The following TSC22D1 variants were observed in gnomAD, a reference collection of about 807,000 sequenced individuals.
TSC22D1 encodes the protein TSC22 domain family protein 1.
A neutral mutation model predicts 74.2 loss-of-function variants in TSC22D1; 9 were observed. The observed-to-expected ratio is 0.12, with a 90% confidence interval of 0.07 to 0.21. The LOEUF (loss-of-function observed/expected upper bound fraction) is 0.21. Among genes scored for constraint, TSC22D1 ranks in the 10% least tolerant of loss-of-function variants. The pLI is 1.00. For synonymous variants in TSC22D1, 586 were observed against 492.5 expected, an observed-to-expected ratio of 1.19 and a Z score of -2.51; for missense variants, 1,427 against 1,304.7, an observed-to-expected ratio of 1.09 and a Z score of -1.44.
chr13:44,547,976 A>T (rs1198614077), intron 1 of TSC22D1, among the ~76,000 whole-genome samples: 1 of 152,126 alleles, frequency 6.6e-6, no homozygotes, highest in Non-Finnish European at 1.5e-5. Context: ...TGTATTATGC[A>T]TTTTATATAT....
upstream of TSC22D1, among the ~76,000 whole-genome samples, chr13:44,576,809 G>A (rs1435499691): frequency 6.6e-6 from 1 of 151,504 alleles, no homozygotes; most frequent in African/African-American, 2.4e-5. Context: ...CAGAGACGCC[G>A]GGTCCTCGCG....
intron 1 of TSC22D1, among the ~76,000 whole-genome samples, chr13:44,490,274 C>G (rs1878637758): frequency 1.3e-5 from 2 of 150,844 alleles, no homozygotes; most frequent in Non-Finnish European, 2.9e-5. Context: ...ATGGCCAAAA[C>G]TAACTGATAG....
intron 1 of TSC22D1, among the ~76,000 whole-genome samples, chr13:44,457,883 G>A (rs758752480): frequency 2.0e-4 from 30 of 152,140 alleles, no homozygotes; most frequent in Non-Finnish European, 3.8e-4. Context: ...TGAAGAAGGT[G>A]GCTATATATT....
In TSC22D1 at chr13:44,555,732, T is replaced by C. The variant is rs554155388; in HGVS notation, c.2912+17431A>G. ...CACCCATGCAAGATAGGTTTCTGTA[T>C]TTATACATTAAAATACCAAAAAAAA... is the stretch of plus-strand genomic sequence containing the variant. On this transcript the variant is annotated intron_variant, in intron 1 of 2. Transcript: ENST00000458659. 1.2e-4 allele frequency among the ~76,000 whole-genome samples: 18 copies of C among 152,234 alleles called. No homozygotes were observed. In the East Asian group the frequency reaches 3.1e-3, roughly 26 times the overall value.
intron 1 of TSC22D1, among the ~76,000 whole-genome samples, chr13:44,491,443 A>G (rs554702351): frequency 5.8e-4 from 88 of 150,648 alleles, no homozygotes; most frequent in Non-Finnish European, 6.9e-4. Flanking sequence ...AGTCCCAGCT[A>G]CTCGGGAAGC....
At chr13:44,456,128 G>T (rs531393065) in intron 1 of TSC22D1, among the ~76,000 whole-genome samples, 1 of 152,194 alleles carries the variant, frequency 6.6e-6, no homozygotes, top group Non-Finnish European at 1.5e-5. Flanking sequence ...TAAAGCCGTG[G>T]ACCCTCGCAG....
At chr13:44,562,186 T>C (rs1170195002) in intron 1 of TSC22D1, among the ~76,000 whole-genome samples, 2 of 152,092 alleles carry the variant, frequency 1.3e-5, no homozygotes, top group African/African-American at 4.8e-5. Flanking sequence ...ACAACAGGCG[T>C]GCACGCCACC....
At chr13:44,568,365 T>A (rs1391065208) in intron 1 of TSC22D1, among the ~76,000 whole-genome samples, 1 of 152,238 alleles carries the variant, frequency 6.6e-6, no homozygotes, top group East Asian at 1.9e-4. Context: ...CTAAGAGGCA[T>A]CTGATGAAAA....
At chr13:44,543,771 C>T (rs1881627633) in intron 1 of TSC22D1, among the ~76,000 whole-genome samples, 1 of 152,160 alleles carries the variant, frequency 6.6e-6, no homozygotes, top group East Asian at 1.9e-4. Context: ...ACTTTCTAAT[C>T]CTAAAGAAAA....
chr13:44,551,607 G>A (rs934931794), intron 1 of TSC22D1, among the ~76,000 whole-genome samples: 1 of 152,194 alleles, frequency 6.6e-6, no homozygotes, highest in Non-Finnish European at 1.5e-5. Context: ...TCTTAGTAGA[G>A]ACGAGGTTTC....
chr13:44,467,342 A>G (rs1877347838), intron 1 of TSC22D1, among the ~76,000 whole-genome samples: 2 of 152,220 alleles, frequency 1.3e-5, no homozygotes, highest in South Asian at 4.1e-4. Flanking sequence ...AGCCTTAGCA[A>G]ATAATTTATC....
chr13:44,546,723 G>T (rs1234835868), intron 1 of TSC22D1, among the ~76,000 whole-genome samples: 73 of 144,272 alleles, frequency 5.1e-4, no homozygotes, highest in African/African-American at 1.8e-3. Flanking sequence ...CTGGGTGACA[G>T]GTATATGGGA....
chr13:44,512,940 G>C (rs1023239263), intron 1 of TSC22D1, among the ~76,000 whole-genome samples: 2 of 152,180 alleles, frequency 1.3e-5, no homozygotes, highest in Non-Finnish European at 2.9e-5. Context: ...GAGCCACTGC[G>C]CCTGGCCTCT....
chr13:44,570,679 T>G (rs1227177764), intron 1 of TSC22D1, among the ~76,000 whole-genome samples: 1 of 152,182 alleles, frequency 6.6e-6, no homozygotes, highest in Non-Finnish European at 1.5e-5. Context: ...ACCATCCTCA[T>G]CTGTCCTACT....
At chr13:44,547,949 G>A (rs780509159) in intron 1 of TSC22D1, among the ~76,000 whole-genome samples, 27 of 152,076 alleles carry the variant, frequency 1.8e-4, no homozygotes, top group Admixed American at 7.2e-4. Flanking sequence ...GCCACTGTGT[G>A]CATTATTATT....
intron 1 of TSC22D1, among the ~76,000 whole-genome samples, chr13:44,490,705 C>T (rs1309761766): frequency 6.6e-6 from 1 of 151,964 alleles, no homozygotes; most frequent in Non-Finnish European, 1.5e-5. Flanking sequence ...CGAGACCAGC[C>T]TGACCAATAT....
intron 1 of TSC22D1, among the ~76,000 whole-genome samples, chr13:44,529,227 A>G (rs1880704387): frequency 6.6e-6 from 1 of 152,094 alleles, no homozygotes; most frequent in African/African-American, 2.4e-5. Flanking sequence ...ATTCTACACC[A>G]TGACCAAGTG....
At chr13:44,437,819 GA>G (rs1157802980) in intron 1 of TSC22D1, among the ~76,000 whole-genome samples, 1 of 152,132 alleles carries the variant, frequency 6.6e-6, no homozygotes, top group Non-Finnish European at 1.5e-5. Flanking sequence ...ACAAATCCTT[GA>G]AGTTAGTCTC....
intron 1 of TSC22D1, among the ~76,000 whole-genome samples, chr13:44,567,744 A>G (rs1248885328): frequency 2.0e-5 from 3 of 152,062 alleles, no homozygotes; most frequent in Non-Finnish European, 2.9e-5. Flanking sequence ...TATCCAAATA[A>G]GAGGAGTTTA....
Sources: allele counts gnomAD v4.1 joint callset (sites outside exome capture counted in the v4.1 genomes callset), GRCh38; gene constraint gnomAD v4.1.1; transcripts MANE v1.5; gene names NCBI Gene and HGNC (gene_info 2026-07-23, HGNC 2026-07-21).